STPG1: variants seen among roughly 807,000 people sequenced by gnomAD.
STPG1 encodes the protein O(6)-methylguanine-induced apoptosis 2.
Under a neutral mutation model 40.1 loss-of-function variants are expected in STPG1, and 33 were observed. That is an observed-to-expected ratio of 0.82 (90% CI 0.62 to 1.10). The LOEUF is 1.10. Among genes scored for constraint, STPG1 ranks in the 50% least tolerant of loss-of-function variants. STPG1 has a pLI of 0.00. For synonymous variants in STPG1, 150 were observed against 155.0 expected (o/e 0.97, Z 0.24); for missense variants, 396 against 415.1 (o/e 0.95, Z 0.40).
intron 5 of STPG1, among the ~76,000 whole-genome samples, chr1:24,375,401 G>A (rs527347809): frequency 6.6e-6 from 1 of 152,246 alleles, no homozygotes; most frequent in Admixed American, 6.5e-5. Flanking sequence ...AATGTTTCTC[G>A]AGAAATGCAG....
chr1:24,359,706 T>G lies in STPG1; in HGVS notation c.929-1087A>C, dbSNP rs1346305919. Reference sequence around the variant, plus strand: ...ACAGAAAGGCTGGGTGTAACCAAGCTGGCAGTCATCACAGCTCTGCCTTCA... The same window carrying G: ...ACAGAAAGGCTGGGTGTAACCAAGCGGGCAGTCATCACAGCTCTGCCTTCA... On this transcript the variant is annotated intron_variant, in intron 8 of 8. Coordinates refer to ENST00000337248, the MANE Select transcript of STPG1 (RefSeq NM_001199013.2). The surrounding 1 kb of genome is among the most constrained non-coding windows in gnomAD (Gnocchi z 5.3). Among the ~76,000 whole-genome samples, 1 of 152,194 alleles carries G rather than the reference T, an allele frequency of 6.6e-6. No homozygotes were observed. Among genetic ancestry groups the G allele is most frequent in the Admixed American group, 6.5e-5 (1 of 15,284 alleles).
intron 7 of STPG1, chr1:24,364,436 A>C (rs561498763): frequency 1.4e-6 from 2 of 1,460,862 alleles, no homozygotes; most frequent in African/African-American, 2.9e-5. Flanking sequence ...CTCAGCTCAG[A>C]GTATGTGGCC....
At chr1:24,390,497 C>T (rs988410470) in intron 3 of STPG1, among the ~76,000 whole-genome samples, 5 of 152,278 alleles carry the variant, frequency 3.3e-5, no homozygotes, top group East Asian at 1.9e-4. Context: ...CGGCTCACTA[C>T]AATCTCTGCC....
intron 5 of STPG1, among the ~76,000 whole-genome samples, chr1:24,378,063 A>G (rs1364835022): frequency 6.6e-6 from 1 of 150,760 alleles, no homozygotes; most frequent in Non-Finnish European, 1.5e-5. Context: ...CCGAGGGAAG[A>G]CTGCCTGGAG....
At chr1:24,367,219 C>G (rs1417758441) in intron 7 of STPG1, among the ~76,000 whole-genome samples, 1 of 152,126 alleles carries the variant, frequency 6.6e-6, no homozygotes, top group Non-Finnish European at 1.5e-5. Context: ...CCTGAGCCTC[C>G]AGTACAGAAC....
intron 3 of STPG1, 29 bp from the exon 4 acceptor site, chr1:24,384,032 G>C (rs764851974): frequency 2.2e-6 from 3 of 1,355,128 alleles, no homozygotes; most frequent in Admixed American, 3.3e-5. Context: ...TGGTGTCATC[G>C]AGATACTTCA....
chr1:24,396,013 T>C (rs1399500625), intron 2 of STPG1, among the ~76,000 whole-genome samples: 1 of 151,380 alleles, frequency 6.6e-6, no homozygotes, highest in East Asian at 1.9e-4. Context: ...AAAGCAAAAA[T>C]AACAACTGTT....
intron 7 of STPG1, chr1:24,364,459 C>T (rs1641325826): frequency 7.1e-7 from 1 of 1,407,370 alleles, no homozygotes; most frequent in Non-Finnish European, 9.3e-7. Context: ...TGAATACATT[C>T]TGGCTATTAC....
intron 2 of STPG1, among the ~76,000 whole-genome samples, chr1:24,392,279 C>T (rs1436282362): frequency 6.6e-6 from 1 of 152,232 alleles, no homozygotes; most frequent in Non-Finnish European, 1.5e-5. Flanking sequence ...TGTATACATG[C>T]ATGTCTGATG....
rs781467343 is a variant in STPG1 at position 24,373,835 on chromosome 1, G to A, written c.463-25C>T. 56 of 1,468,696 alleles carry A rather than the reference G, an allele frequency of 3.8e-5. 1 individual carries two copies. The South Asian group carries it at 6.0e-4, about 16-fold the overall frequency. The allele number at this position is 1,468,696 out of a possible 1,614,324, so 91.0% of individuals were successfully genotyped here. ...CCTAGGGGGAGAAAATACACCCAAT[G>A]TACTCAGTACCTTTCCTTTCTTTGT... On this transcript the variant is annotated intron_variant, in intron 5 of 8. Transcript: ENST00000337248.
rs544178686 is a variant in STPG1 at position 24,372,813 on chromosome 1, GC to G, written c.571+888del. 1.7e-4 allele frequency among the ~76,000 whole-genome samples: 26 copies of G among 152,282 alleles called. No homozygotes were observed. In the South Asian group the frequency reaches 5.0e-3, roughly 29 times the overall value. ...CCCTGCTCCTCCTCCTGCTTCTGGG[GC>G]CCAAGGTTCCTGGGGCAGCTCTGGT... On this transcript the variant is annotated intron_variant, in intron 6 of 8. Coordinates refer to ENST00000337248, the MANE Select transcript of STPG1 (RefSeq NM_001199013.2).
intron 5 of STPG1, among the ~76,000 whole-genome samples, chr1:24,378,478 A>T (rs912864507): frequency 6.6e-6 from 1 of 152,120 alleles, no homozygotes; most frequent in African/African-American, 2.4e-5. Flanking sequence ...TACTAAAAAT[A>T]CAAAAAATTA....
At chr1:24,374,281 C>G (rs1277689765) in intron 5 of STPG1, among the ~76,000 whole-genome samples, 1 of 100,840 alleles carries the variant, frequency 9.9e-6, no homozygotes, top group South Asian at 3.8e-4. Context: ...TTTTCTGAGA[C>G]AGAGTCTTGC....
At position 24,391,592 on chromosome 1, in the gene STPG1, T is replaced by C. The variant is rs749389338; in HGVS notation, c.158A>G (p.Asn53Ser). ...VIPESEKKGF[N>S]SQAKRFPHKK... is the part of the protein sequence containing the mutation. ...ATGAGGAAATCTCTTGGCTTGACTA[T>C]TGAATCCTTTTTTTTCTGATTCTGG... is the stretch of plus-strand genomic sequence containing the variant. Residue 53 changes from asparagine (N) to serine (S), a missense_variant, in exon 3 of 9, where the codon AAT (asparagine) becomes AGT (serine). Coordinates refer to ENST00000337248, the MANE Select transcript of STPG1 (RefSeq NM_001199013.2). 3.4e-5 allele frequency: 53 copies of C among 1,546,296 alleles called. No homozygotes were observed. Among genetic ancestry groups the C allele is most frequent in the East Asian group, 4.9e-5 (2 of 40,908 alleles).
At chr1:24,406,229 A>C (rs1362930926) in intron 1 of STPG1, among the ~76,000 whole-genome samples, 1 of 152,092 alleles carries the variant, frequency 6.6e-6, no homozygotes, top group Non-Finnish European at 1.5e-5. Context: ...ATAGTGATTA[A>C]GGTTTACAGT....
chr1:24,379,096 G>A (rs1489443940), intron 5 of STPG1, among the ~76,000 whole-genome samples: 2 of 152,200 alleles, frequency 1.3e-5, no homozygotes, highest in Non-Finnish European at 2.9e-5. Flanking sequence ...GCCCTGGAAA[G>A]GTTAAGGGAC....
At position 24,376,146 on chromosome 1, in the gene STPG1, G is replaced by A. The variant is rs192233766; in HGVS notation, c.463-2336C>T. The stretch of plus-strand genomic sequence containing the variant: ...AGCAATTCTCTTGCCTCAGCCTCCC[G>A]AGTAGCTGGGATTACAGGTGTGTGC... On this transcript the variant is annotated intron_variant, in intron 5 of 8. Transcript: ENST00000337248. 8.4e-4 allele frequency among the ~76,000 whole-genome samples: 128 copies of A among 152,232 alleles called. 2 individuals carry two copies. In the South Asian group the frequency reaches 0.016, roughly 20 times the overall value.
At chr1:24,376,697 G>A (rs1372496736) in intron 5 of STPG1, among the ~76,000 whole-genome samples, 4 of 152,100 alleles carry the variant, frequency 2.6e-5, no homozygotes, top group Non-Finnish European at 5.9e-5. Context: ...AAACACTGAC[G>A]GCAGCATCCT....
chr1:24,407,490 G>C (rs559606507), intron 1 of STPG1, among the ~76,000 whole-genome samples: 44 of 145,576 alleles, frequency 3.0e-4, no homozygotes, highest in Admixed American at 2.6e-3. Context: ...CACCCAGGCT[G>C]GATTGCAGTG....
Sources: allele counts gnomAD v4.1 joint callset (sites outside exome capture counted in the v4.1 genomes callset), GRCh38; gene constraint gnomAD v4.1.1; non-coding constraint Gnocchi (gnomAD v3.1); transcripts MANE v1.5; gene names NCBI Gene and HGNC (gene_info 2026-07-23, HGNC 2026-07-21).